Variants in HADHA observed in about 807,000 individuals in gnomAD.
HADHA encodes the protein trifunctional enzyme subunit alpha, mitochondrial.
In HADHA, 59 loss-of-function variants were observed where a neutral mutation model predicts 91.3. That is an observed-to-expected ratio of 0.65 (90% CI 0.52 to 0.80). The LOEUF (loss-of-function observed/expected upper bound fraction) is 0.80, where lower values mean the gene tolerates loss of function less well. Ranked by LOEUF, HADHA falls within the 30% of genes least tolerant of loss-of-function variation. The pLI is 0.00. For missense variants in HADHA, 800 were observed against 927.6 expected (o/e 0.86, Z 1.79); for synonymous variants, 320 against 338.9 (o/e 0.94, Z 0.61).
In HADHA at chr2:26,191,595, C is replaced by T; in HGVS notation, c.2034G>A (p.Val678=). The stretch of plus-strand genomic sequence containing the variant: ...TGACTGCCTCATTCACAAATCTTGT[C>T]ACCAGGCGGAACTGGATGTCTTCGT... ...SSDEDIQFRL[V]TRFVNEAVMC... Residue 678 remains valine, a synonymous_variant, in exon 19 of 20, where the codon GTG becomes GTA. Transcript: ENST00000380649. 6.2e-7 allele frequency: 1 copy of T among 1,614,172 alleles called. No homozygotes were observed. The highest frequency in any genetic ancestry group is 1.6e-4 in the Middle Eastern group (1 of 6,062).
At position 26,197,738 on chromosome 2, in the gene HADHA, C is replaced by G. The variant is rs1669713015; in HGVS notation, c.1432G>C (p.Ala478Pro). The G allele has an allele frequency of 1.3e-6, 2 of 1,561,892 alleles. No individual in the cohort carries two copies. Among genetic ancestry groups the G allele is most frequent in the Non-Finnish European group, 8.8e-7 (1 of 1,132,172 alleles). ...GCAGCGATTTCACTGATTGGGAGAG[C>G]AGATGTGTTACTGGCAAAGATACAG... ...DHCIFASNTS[A>P]LPISEIAAVS... The change falls in exon 14 of 20, where the codon GCT becomes CCT. Residue 478 changes from alanine (A) to proline (P), a missense_variant. Ala to Pro is a conservative substitution (Grantham distance 27, BLOSUM62 -1). Transcript: ENST00000380649.
chr2:26,202,786 G>A (rs1669879430), intron 12 of HADHA, among the ~76,000 whole-genome samples: 1 of 152,140 alleles, frequency 6.6e-6, no homozygotes, highest in African/African-American at 2.4e-5. Context: ...TGGGCTCAAA[G>A]CTTTTGTTTT....
At chr2:26,232,347 G>C in intron 5 of HADHA, 68 bp from the exon 6 acceptor site, 1 of 1,054,066 alleles carries the variant, frequency 9.5e-7, no homozygotes, top group Middle Eastern at 2.0e-4. Flanking sequence ...AGATGGATAA[G>C]GGTCTAAAGA....
intron 12 of HADHA, among the ~76,000 whole-genome samples, chr2:26,203,746 C>A (rs908468396): frequency 1.3e-5 from 2 of 152,094 alleles, no homozygotes; most frequent in Non-Finnish European, 2.9e-5. Flanking sequence ...AGGCCTGATA[C>A]GAAAGTGTAA....
At position 26,239,138 on chromosome 2, in the gene HADHA, TA is replaced by T. The variant is rs1553316176; in HGVS notation, c.72del (p.Tyr24Ter). ...GAAGACCCTGTAAAATTGCGGCATA[TA>T]TAACCTGTAAGAAAAGACATTTCAA... ...SAFRILRSRG[Y>X]ICRNFTGSSA... On this transcript the variant is annotated frameshift_variant, in exon 2 of 20. Transcript: ENST00000380649. LOFTEE classifies it high-confidence loss of function. 3 of 1,600,840 alleles carry T rather than the reference TA, an allele frequency of 1.9e-6. No homozygotes were observed. The South Asian group carries it at 3.3e-5, about 18-fold the overall frequency.
rs1670051013 is a variant in HADHA at position 26,209,794 on chromosome 2, TG to T, written c.1070del (p.Pro357HisfsTer15). 6.5e-7 allele frequency: 1 copy of T among 1,546,876 alleles called. No individual in the cohort carries two copies. The highest frequency in any genetic ancestry group is 8.9e-7 in the Non-Finnish European group (1 of 1,118,780). On this transcript the variant is annotated frameshift_variant, in exon 11 of 20. Coordinates refer to ENST00000380649, the MANE Select transcript of HADHA (RefSeq NM_000182.5). LOFTEE classifies it high-confidence loss of function. Reference protein sequence around the residue: ...VLCKKNKFGAPQKDVKHLAIL... With the variant: ...VLCKKNKFGAXQKDVKHLAIL... ...GTTTAACTTACTTAACATCCTTCTG[TG>T]GAGCTCCAAATTTATTCTTCTTGCA...
chr2:26,217,717 A>G (rs1670273886), intron 7 of HADHA, among the ~76,000 whole-genome samples: 1 of 152,134 alleles, frequency 6.6e-6, no homozygotes, highest in Non-Finnish European at 1.5e-5. Flanking sequence ...TGTGGGCAAC[A>G]TGGTAAGACC....
In HADHA at chr2:26,236,976, T is replaced by C. The variant is rs1344709551; in HGVS notation, c.193A>G (p.Ser65Gly). 4 of 1,609,394 alleles carry C rather than the reference T, an allele frequency of 2.5e-6. No individual in the cohort carries two copies. The highest frequency in any genetic ancestry group is 3.4e-6 in the Non-Finnish European group (4 of 1,175,644). The change falls in exon 4 of 20, where the codon AGT becomes GGT. Residue 65 changes from serine (S) to glycine (G), a missense_variant. Coordinates refer to ENST00000380649, the MANE Select transcript of HADHA (RefSeq NM_000182.5). ...GAGAACTCTGAATGTAGCTCTTTAC[T>C]CAGTGTATTTACCTGCCAAAGGGAA... ...NSPNSKVNTL[S>G]KELHSEFSEV...
intron 14 of HADHA, 47 bp from the exon 15 acceptor site, chr2:26,195,279 G>A (rs1035231778): frequency 6.6e-7 from 1 of 1,522,444 alleles, no homozygotes; most frequent in Non-Finnish European, 9.1e-7. Flanking sequence ...TGCGGGTGAG[G>A]AACCTGAGAG....
At chr2:26,236,359 G>GTGTGTATATA (rs141555532) in intron 4 of HADHA, among the ~76,000 whole-genome samples, 4 of 137,872 alleles carry the variant, frequency 2.9e-5, no homozygotes, top group African/African-American at 8.1e-5. Context: ...GTGTGTGTGT[G>GTGTGTATATA]TATATATATA....
intron 11 of HADHA, among the ~76,000 whole-genome samples, chr2:26,206,080 C>A (rs192763833): frequency 1.3e-5 from 2 of 151,922 alleles, no homozygotes; most frequent in African/African-American, 4.8e-5. Context: ...GAGGGAGGAT[C>A]GCTTGAGCTC....
In HADHA at chr2:26,215,131, C is replaced by A; in HGVS notation, c.721G>T (p.Glu241Ter). Residue 241 changes from glutamate to a stop codon, truncating the protein, a stop_gained, in exon 8 of 20, where the codon GAA becomes TAA. Transcript: ENST00000380649. LOFTEE classifies it high-confidence loss of function. ...TTGGCAAAAGTAATTGCAACTTCTT[C>A]TAGGTATTCTATTGTCCGTTCCTCT... The part of the protein sequence containing the change: ...PPEERTIEYL[E>*]EVAITFAKGL... 1.2e-6 allele frequency: 2 copies of A among 1,608,496 alleles called. No homozygotes were observed. Among genetic ancestry groups the A allele is most frequent in the South Asian group, 2.2e-5 (2 of 90,996 alleles).
intron 3 of HADHA, among the ~76,000 whole-genome samples, chr2:26,238,661 T>C (rs1354287294): frequency 6.6e-6 from 1 of 152,216 alleles, no homozygotes; most frequent in African/African-American, 2.4e-5. Flanking sequence ...ACTCTGGTTC[T>C]TCTCTAATAA....
chr2:26,201,691 C>T (rs1326674254), intron 12 of HADHA, among the ~76,000 whole-genome samples: 1 of 152,108 alleles, frequency 6.6e-6, no homozygotes, highest in Admixed American at 6.5e-5. Context: ...TAATTCTCTA[C>T]CTATGACAGG....
At chr2:26,195,797 T>A (rs1401215418) in intron 14 of HADHA, among the ~76,000 whole-genome samples, 2 of 152,176 alleles carry the variant, frequency 1.3e-5, no homozygotes, top group Non-Finnish European at 2.9e-5. Flanking sequence ...CCTGGGAGCG[T>A]TAGGCCTGCA....
intron 7 of HADHA, among the ~76,000 whole-genome samples, chr2:26,219,644 A>G (rs971038277): frequency 1.3e-5 from 2 of 152,174 alleles, no homozygotes; most frequent in Non-Finnish European, 2.9e-5. Context: ...CCTAAATGCA[A>G]TGGGGATAAA....
At chr2:26,194,508 TGAGTTTTA>T in intron 16 of HADHA, 54 bp downstream of exon 16, 1 of 998,166 alleles carries the variant, frequency 1.0e-6, no homozygotes, top group Non-Finnish European at 1.6e-6. Context: ...CTTGACATCA[TGAGTTTTA>T]GAGTGACTGA....
intron 13 of HADHA, among the ~76,000 whole-genome samples, chr2:26,198,565 G>A (rs1406924783): frequency 6.6e-6 from 1 of 151,556 alleles, no homozygotes; most frequent in Non-Finnish European, 1.5e-5. Flanking sequence ...TCCTAACAGA[G>A]ATGAGAATCA....
intron 14 of HADHA, among the ~76,000 whole-genome samples, chr2:26,195,960 A>G (rs532075173): frequency 6.6e-6 from 1 of 152,328 alleles, no homozygotes; most frequent in African/African-American, 2.4e-5. Context: ...TCCCAACAGA[A>G]CTGTGGTGAA....
Sources: gnomAD v4.1 joint callset for allele counts (sites outside exome capture counted in the v4.1 genomes callset) on GRCh38, gnomAD v4.1.1 for gene constraint, MANE v1.5 for transcripts, NCBI Gene and HGNC (gene_info 2026-07-23, HGNC 2026-07-21) for gene names.